The following CCDC141 variants were observed in gnomAD, a reference collection of about 807,000 sequenced individuals.
CCDC141 encodes coiled-coil domain containing 141.
Under a neutral mutation model 181.0 loss-of-function variants are expected in CCDC141, and 168 were observed. The ratio of observed to expected loss-of-function variants is 0.93; its 90% CI spans 0.82 to 1.05. The LOEUF (loss-of-function observed/expected upper bound fraction) is 1.05. CCDC141 is among the 50% of genes least tolerant of loss of function. The pLI is 0.00. For missense variants in CCDC141, 1,902 were observed against 1,788.5 expected (o/e 1.06, Z -1.14); for synonymous variants, 666 against 642.3 (o/e 1.04, Z -0.56).
chr2:178,975,445 G>C (rs905235202), intron 3 of CCDC141, among the ~76,000 whole-genome samples: 1 of 152,044 alleles, frequency 6.6e-6, no homozygotes, highest in Non-Finnish European at 1.5e-5. Context: ...CCTGTTTACT[G>C]TCCAAATGCC....
At chr2:178,966,036 C>T (rs1040763350) in intron 4 of CCDC141, among the ~76,000 whole-genome samples, 3 of 152,204 alleles carry the variant, frequency 2.0e-5, no homozygotes, top group African/African-American at 4.8e-5. Flanking sequence ...CCCACTGCAG[C>T]TCAGCAACGC....
chr2:178,887,164 T>C (rs764436877), intron 9 of CCDC141, among the ~76,000 whole-genome samples: 21 of 152,178 alleles, frequency 1.4e-4, no homozygotes, highest in Non-Finnish European at 2.5e-4. Flanking sequence ...AGAACTTATC[T>C]ATATTACCTA....
chr2:178,989,214 A>G (rs1426609258), intron 2 of CCDC141, among the ~76,000 whole-genome samples: 2 of 152,264 alleles, frequency 1.3e-5, no homozygotes, highest in East Asian at 3.9e-4. Flanking sequence ...TAAAAAGAAA[A>G]TCCTTAGAAT....
chr2:178,956,219 C>G (rs1690154669), intron 5 of CCDC141, among the ~76,000 whole-genome samples: 1 of 152,216 alleles, frequency 6.6e-6, no homozygotes. Context: ...TATTAACTAA[C>G]TACTCCAACC....
At chr2:178,945,386 C>T (rs1689686610) in intron 5 of CCDC141, among the ~76,000 whole-genome samples, 1 of 152,148 alleles carries the variant, frequency 6.6e-6, no homozygotes, top group Admixed American at 6.5e-5. Context: ...CTACTACAAG[C>T]TAGTTGCTTT....
chr2:178,863,584 A>G (rs1575143368), intron 17 of CCDC141, among the ~76,000 whole-genome samples: 2 of 152,122 alleles, frequency 1.3e-5, no homozygotes, highest in East Asian at 3.8e-4. Flanking sequence ...CACAATATAA[A>G]CTGGAACACA....
intron 2 of CCDC141, among the ~76,000 whole-genome samples, chr2:179,025,948 A>G (rs2042831807): frequency 6.6e-6 from 1 of 152,180 alleles, no homozygotes. Flanking sequence ...AAGAGAGATG[A>G]TTTAGGGTAT....
At chr2:179,015,091 T>TACATATATATATTATATATATAATG (rs1403968448) in intron 2 of CCDC141, among the ~76,000 whole-genome samples, 1 of 42,032 alleles carries the variant, frequency 2.4e-5, no homozygotes, top group African/African-American at 6.7e-5. Flanking sequence ...TATATATATA[T>TACATATATATATTATATATATAATG]ATATATATAT....
At chr2:179,005,595 A>G (rs1055751568) in intron 2 of CCDC141, among the ~76,000 whole-genome samples, 1 of 152,144 alleles carries the variant, frequency 6.6e-6, no homozygotes, top group African/African-American at 2.4e-5. Context: ...TCACCATCCT[A>G]TCACTGCTTC....
chr2:178,899,727 A>T (rs566706764), intron 8 of CCDC141, among the ~76,000 whole-genome samples: 1 of 152,246 alleles, frequency 6.6e-6, no homozygotes, highest in South Asian at 2.1e-4. Context: ...GATGTTCAAC[A>T]ATATCTGCTT....
intron 2 of CCDC141, among the ~76,000 whole-genome samples, chr2:178,989,286 G>C (rs1691911111): frequency 6.6e-6 from 1 of 152,120 alleles, no homozygotes; most frequent in African/African-American, 2.4e-5. Context: ...TATACAAAGA[G>C]CTCTTTCAAC....
At chr2:178,995,966 G>A (rs1692269163) in intron 2 of CCDC141, among the ~76,000 whole-genome samples, 1 of 151,990 alleles carries the variant, frequency 6.6e-6, no homozygotes. Flanking sequence ...TTATGATGGT[G>A]TTAGTTCAAG....
Position 179,046,843 on chromosome 2 carries a change from G to T in CCDC141, c.225+441C>A, listed in dbSNP as rs76015908. Among the ~76,000 whole-genome samples the T allele has an allele frequency of 3.0e-3, 459 of 152,232 alleles. 14 individuals are homozygous for T. In the East Asian group the frequency reaches 0.082, roughly 27 times the overall value. On this transcript the variant is annotated intron_variant, in intron 2 of 23. Coordinates refer to ENST00000443758, the MANE Select transcript of CCDC141 (RefSeq NM_173648.4). Reference sequence around the variant, plus strand: ...TACCAGAAGTATTATTTGGTTTCAAGAACTCTTAATACTAAGCACAGAATC... The same window carrying T: ...TACCAGAAGTATTATTTGGTTTCAATAACTCTTAATACTAAGCACAGAATC...
In CCDC141 at chr2:178,833,819, A is replaced by G. The variant is rs1184228073; in HGVS notation, c.*354T>C. 1 of 184,810 alleles carries G rather than the reference A, an allele frequency of 5.4e-6. No homozygotes were observed. Among genetic ancestry groups the G allele is most frequent in the African/African-American group, 2.3e-5 (1 of 42,638 alleles). The allele number at this position is 184,810 out of a possible 1,614,324, so 11.4% of individuals were successfully genotyped here. ...ATTAAAAATATATTATTGAACAACC[A>G]TATTTGAAATTTAGCACATTTCTAT... On this transcript the variant is annotated 3_prime_UTR_variant, in exon 24 of 24. Coordinates refer to ENST00000443758, the MANE Select transcript of CCDC141 (RefSeq NM_173648.4).
chr2:179,047,290 C>T lies in CCDC141; in HGVS notation c.219G>A (p.Lys73=). The stretch of plus-strand genomic sequence containing the variant: ...TCACATCTTAGTATCTTACCTTGAG[C>T]TTGGCCAAAAGAAGTTCATGATCAT... ...LLHDHELLLA[K]LKALEDRVWE... Residue 73 remains lysine (K), a synonymous_variant, in exon 2 of 24, where the codon AAG becomes AAA. Coordinates refer to ENST00000443758, the MANE Select transcript of CCDC141 (RefSeq NM_173648.4). 1 of 1,527,106 alleles carries T rather than the reference C, an allele frequency of 6.5e-7. No homozygotes were observed. The highest frequency in any genetic ancestry group is 8.8e-7 in the Non-Finnish European group (1 of 1,140,940). 94.6% of individuals were successfully genotyped at this position (1,527,106 alleles called of 1,614,324 possible).
At chr2:178,938,771 T>C (rs965118581) in intron 6 of CCDC141, among the ~76,000 whole-genome samples, 3 of 152,044 alleles carry the variant, frequency 2.0e-5, no homozygotes, top group Admixed American at 1.3e-4. Flanking sequence ...GTGAGGAAAG[T>C]GGGGCTCGCA....
chr2:178,978,399 T>G (rs1353511255), intron 3 of CCDC141, 85 bp downstream of exon 3: 3 of 880,998 alleles, frequency 3.4e-6, no homozygotes, highest in Non-Finnish European at 4.7e-6. Flanking sequence ...GCTTGCAATG[T>G]CTATTTGTGA....
At chr2:178,985,005 G>A (rs1289074120) in intron 2 of CCDC141, among the ~76,000 whole-genome samples, 1 of 151,086 alleles carries the variant, frequency 6.6e-6, no homozygotes, top group Non-Finnish European at 1.5e-5. Context: ...CAAATCAATA[G>A]AATATACATT....
At chr2:178,977,832 T>C (rs1168363923) in intron 3 of CCDC141, among the ~76,000 whole-genome samples, 1 of 152,166 alleles carries the variant, frequency 6.6e-6, no homozygotes, top group African/African-American at 2.4e-5. Flanking sequence ...ACACCTCTTT[T>C]GATAATGTTC....
Sources: allele counts gnomAD v4.1 joint callset (sites outside exome capture counted in the v4.1 genomes callset), GRCh38; gene constraint gnomAD v4.1.1; transcripts MANE v1.5; gene names NCBI Gene and HGNC (gene_info 2026-07-23, HGNC 2026-07-21).